The following ROBO2 variants were observed in gnomAD, a reference collection of about 807,000 sequenced individuals.
The protein encoded by ROBO2 is roundabout guidance receptor 2, also known as roundabout homolog 2.
A neutral mutation model predicts 160.8 loss-of-function variants in ROBO2; 53 were observed. The observed-to-expected ratio is 0.33, with a 90% CI of 0.26 to 0.41. The LOEUF is 0.41. Ranked by LOEUF, ROBO2 falls within the 10% of genes least tolerant of loss-of-function variation. ROBO2 has a pLI of 1.00. For synonymous variants in ROBO2, 664 were observed against 611.7 expected (o/e 1.09, Z -1.26); for missense variants, 1,577 against 1,722.4 (o/e 0.92, Z 1.49).
rs945306420 is a variant in ROBO2, at chr3:76,945,050, G to A, written c.110-152964G>A. 1.0e-4 allele frequency among the ~76,000 whole-genome samples: 15 copies of A among 150,356 alleles called. No homozygotes were observed. The South Asian group carries it at 2.6e-3, about 26-fold the overall frequency. On this transcript the variant is annotated intron_variant, in intron 2 of 26. Transcript: ENST00000487694. ...ACTACAGGCGCCCGCCACCACGCCC[G>A]GCTAATTTTTTGTACTTTTAGTAGA...
chr3:76,340,593 C>T (rs907150865), intron 2 of ROBO2, among the ~76,000 whole-genome samples: 8 of 152,052 alleles, frequency 5.3e-5, no homozygotes, highest in African/African-American at 1.9e-4. Context: ...TTAACTTTTG[C>T]AGAAATCACA....
chr3:77,580,130 A>G lies in ROBO2; in HGVS notation c.2500+12A>G. The G allele has an allele frequency of 6.2e-7, 1 of 1,613,432 alleles. No homozygotes were observed. Among genetic ancestry groups the G allele is most frequent in the Non-Finnish European group, 8.5e-7 (1 of 1,179,438 alleles). ...GCCAATAATAATCGGTGAGTATCAAACTATGTGGTCTGTGCTTTAGAATCA... is the reference window on the plus strand; with the variant it reads ...GCCAATAATAATCGGTGAGTATCAAGCTATGTGGTCTGTGCTTTAGAATCA... On this transcript the variant is annotated intron_variant, in intron 16 of 25. Transcript: ENST00000461745.
intron 2 of ROBO2, among the ~76,000 whole-genome samples, chr3:76,845,407 T>C (rs1295303822): frequency 6.6e-6 from 1 of 152,014 alleles, no homozygotes; most frequent in East Asian, 1.9e-4. Flanking sequence ...GATCTAAAAT[T>C]CACTATATAT....
intron 2 of ROBO2, among the ~76,000 whole-genome samples, chr3:77,207,890 C>A (rs958257441): frequency 6.6e-6 from 1 of 152,156 alleles, no homozygotes; most frequent in African/African-American, 2.4e-5. Flanking sequence ...CTTTTCAAAA[C>A]GCGTGGGCAC....
chr3:76,507,153 G>A (rs530850959), intron 2 of ROBO2, among the ~76,000 whole-genome samples: 24 of 151,954 alleles, frequency 1.6e-4, no homozygotes, highest in African/African-American at 4.6e-4. Flanking sequence ...TTAGAAATTC[G>A]TACAGGGCAT....
At chr3:76,036,215 TC>T (rs1339405435) in intron 2 of ROBO2, among the ~76,000 whole-genome samples, 3 of 152,054 alleles carry the variant, frequency 2.0e-5, no homozygotes, top group African/African-American at 7.3e-5. Flanking sequence ...AGTGGAGTGA[TC>T]TCAGCTCACT....
chr3:76,741,730 G>C (rs969721169), intron 2 of ROBO2, among the ~76,000 whole-genome samples: 1 of 151,820 alleles, frequency 6.6e-6, no homozygotes, highest in Non-Finnish European at 1.5e-5. Context: ...TCCATGGCAT[G>C]ACTTCATAGT....
intron 2 of ROBO2, among the ~76,000 whole-genome samples, chr3:76,972,052 A>C (rs1453502925): frequency 6.6e-6 from 1 of 152,232 alleles, no homozygotes; most frequent in Non-Finnish European, 1.5e-5. Flanking sequence ...AACCATATTG[A>C]AGATGGTATT....
At chr3:75,977,369 C>T (rs1027704447) in intron 2 of ROBO2, among the ~76,000 whole-genome samples, 1 of 151,492 alleles carries the variant, frequency 6.6e-6, no homozygotes, top group Non-Finnish European at 1.5e-5. Flanking sequence ...ACTACTAATA[C>T]TTGTCGGAAA....
At position 76,577,574 on chromosome 3, in the gene ROBO2, T is replaced by G. The variant is rs1383863081; in HGVS notation, c.110-520440T>G. Among the ~76,000 whole-genome samples the G allele has an allele frequency of 2.6e-5, 4 of 152,264 alleles. No individual in the cohort carries two copies. In the East Asian group the frequency reaches 7.7e-4, roughly 29 times the overall value. ...ATGTCCAAAAGCAGTTTATACATGC[T>G]TCAATCACACCTGAAATGTAGCCAG... On this transcript the variant is annotated intron_variant, in intron 2 of 26. Coordinates refer to the ROBO2 transcript ENST00000487694.
At chr3:77,057,961 G>T (rs2065924135) in intron 1 of ROBO2, among the ~76,000 whole-genome samples, 1 of 151,986 alleles carries the variant, frequency 6.6e-6, no homozygotes, top group East Asian at 1.9e-4. Context: ...TGCACGTTCT[G>T]CACATGTATC....
At chr3:77,054,993 T>C (rs1001821442) in intron 1 of ROBO2, among the ~76,000 whole-genome samples, 1 of 151,412 alleles carries the variant, frequency 6.6e-6, no homozygotes, top group Admixed American at 6.6e-5. Flanking sequence ...GTAATGAGAT[T>C]AGAGCCCTCA....
intron 2 of ROBO2, among the ~76,000 whole-genome samples, chr3:76,578,192 TA>T (rs1303964424): frequency 1.3e-5 from 2 of 152,156 alleles, no homozygotes; most frequent in Non-Finnish European, 2.9e-5. Flanking sequence ...GAGTGTTAAA[TA>T]AATCTTCATG....
intron 2 of ROBO2, among the ~76,000 whole-genome samples, chr3:75,998,355 C>G (rs1000414907): frequency 3.9e-5 from 6 of 152,096 alleles, no homozygotes; most frequent in Admixed American, 1.3e-4. Context: ...TTCTTCCCTC[C>G]CTCAGAAAGT....
rs150674838 is a variant in ROBO2, at chr3:77,002,547, G to T, written c.110-95467G>T. ...ACTATTAGAATAAAAACATAGTCAT[G>T]ATTCTACTTATAGTTTAGTATTAAA... is the stretch of plus-strand genomic sequence containing the variant. On this transcript the variant is annotated intron_variant, in intron 2 of 26. Transcript: ENST00000487694. Among the ~76,000 whole-genome samples, 109 of 152,016 alleles carry T rather than the reference G, an allele frequency of 7.2e-4. 1 individual carries two copies. Among genetic ancestry groups the T allele is most frequent in the African/African-American group, 2.5e-3 (105 of 41,554 alleles).
intron 2 of ROBO2, among the ~76,000 whole-genome samples, chr3:76,404,715 G>C (rs940113286): frequency 6.6e-6 from 1 of 151,498 alleles, no homozygotes; most frequent in Non-Finnish European, 1.5e-5. Context: ...TGTGGGTTGG[G>C]AGTAGCTATC....
intron 2 of ROBO2, among the ~76,000 whole-genome samples, chr3:76,206,082 GCT>G (rs1156260159): frequency 6.6e-6 from 1 of 152,056 alleles, no homozygotes; most frequent in Non-Finnish European, 1.5e-5. Flanking sequence ...ATACTTCTCT[GCT>G]CTCTCTCTAC....
At chr3:76,387,013 G>A (rs1041331879) in intron 2 of ROBO2, among the ~76,000 whole-genome samples, 2 of 152,170 alleles carry the variant, frequency 1.3e-5, no homozygotes, top group Non-Finnish European at 2.9e-5. Context: ...ATATGATAGA[G>A]ATCTGTTTCT....
At chr3:76,241,961 A>G (rs1055966442) in intron 2 of ROBO2, among the ~76,000 whole-genome samples, 2 of 152,226 alleles carry the variant, frequency 1.3e-5, no homozygotes, top group Non-Finnish European at 1.5e-5. Context: ...AAGGGATACT[A>G]GAACTGTCAG....
Sources: allele counts gnomAD v4.1 joint callset (sites outside exome capture counted in the v4.1 genomes callset), GRCh38; gene constraint gnomAD v4.1.1; transcripts MANE v1.5; gene names NCBI Gene and HGNC (gene_info 2026-07-23, HGNC 2026-07-21).